Variants in TIMD4 observed in about 807,000 individuals in gnomAD.
TIMD4 encodes the protein T cell immunoglobulin and mucin domain containing 4.
Under a neutral mutation model 41.2 loss-of-function variants are expected in TIMD4, and 31 were observed. That is an observed-to-expected ratio of 0.75 (90% CI 0.57 to 1.01). The LOEUF is 1.01. TIMD4 is among the 50% of genes least tolerant of loss of function. TIMD4 has a pLI of 0.00. For synonymous variants in TIMD4, 204 were observed against 177.1 expected, an observed-to-expected ratio of 1.15 and a Z score of -1.21; for missense variants, 479 against 472.5, an observed-to-expected ratio of 1.01 and a Z score of -0.13.
In TIMD4 at chr5:156,926,275, T is replaced by C. The variant is rs768771467; in HGVS notation, c.882A>G (p.Thr294=). The C allele has an allele frequency of 1.9e-6, 3 of 1,613,532 alleles. No individual in the cohort carries two copies. The highest frequency in any genetic ancestry group is 1.7e-6 in the Non-Finnish European group (2 of 1,179,604). The change falls in exon 6 of 9, where the codon ACA becomes ACG. Residue 294 remains threonine, a synonymous_variant. Coordinates refer to ENST00000274532, the MANE Select transcript of TIMD4 (RefSeq NM_138379.3). ...DTAVPEQNKT[T]KTGQMDGIPM... is the part of the protein sequence containing the mutation. ...ACAGATTTTTTACCTGTCCTGTTTT[T>C]GTTGTTTTGTTCTGCTCAGGAACTG...
At chr5:156,936,810 T>A (rs1759547948) in intron 5 of TIMD4, among the ~76,000 whole-genome samples, 1 of 150,832 alleles carries the variant, frequency 6.6e-6, no homozygotes, top group Non-Finnish European at 1.5e-5. Flanking sequence ...CGGGTGCCTG[T>A]AATCCCAGCT....
chr5:156,934,360 C>G (rs1029644011), intron 5 of TIMD4, among the ~76,000 whole-genome samples: 1 of 152,182 alleles, frequency 6.6e-6, no homozygotes, highest in Non-Finnish European at 1.5e-5. Flanking sequence ...ACGGTATCCT[C>G]CCACCTCACC....
At chr5:156,921,195 C>T (rs539799593) in intron 7 of TIMD4, among the ~76,000 whole-genome samples, 1 of 152,206 alleles carries the variant, frequency 6.6e-6, no homozygotes, top group Non-Finnish European at 1.5e-5. Flanking sequence ...AAACTACAGA[C>T]CTTGTCCCCT....
intron 7 of TIMD4, 119 bp from the exon 8 acceptor site, chr5:156,920,622 G>A (rs1399804677): frequency 9.6e-7 from 1 of 1,041,026 alleles, no homozygotes; most frequent in African/African-American, 1.6e-5. Flanking sequence ...GTGAGAACCA[G>A]TGGCTGGCTT....
At chr5:156,950,760 G>T (rs1054338714) in intron 3 of TIMD4, among the ~76,000 whole-genome samples, 2 of 152,134 alleles carry the variant, frequency 1.3e-5, no homozygotes, top group Admixed American at 1.3e-4. Flanking sequence ...TATTTTAAAG[G>T]CGTCTGGAGG....
rs144173652 is a variant in TIMD4 at position 156,919,474 on chromosome 5, C to T, written c.1120G>A (p.Gly374Ser). ...CTGCGTTGTTAGAGGGTAAAAAGGC[C>T]GTCTTCGTCTTCCCTTCCATGCTGC... Reference protein sequence around the residue: ...DVQHGREDEDGLFTL With the variant: ...DVQHGREDEDSLFTL The change falls in exon 9 of 9, where the codon GGC (glycine) becomes AGC (serine). Residue 374 changes from glycine (G) to serine (S), a missense_variant. By Grantham distance (56) the Gly-to-Ser change is moderately conservative. Coordinates refer to ENST00000274532, the MANE Select transcript of TIMD4 (RefSeq NM_138379.3). 1.3e-4 allele frequency: 216 copies of T among 1,613,954 alleles called. No homozygotes were observed. In the African/African-American group the frequency reaches 2.2e-3, roughly 16 times the overall value.
At chr5:156,941,178 G>C (rs374564588) in intron 5 of TIMD4, among the ~76,000 whole-genome samples, 1 of 151,924 alleles carries the variant, frequency 6.6e-6, no homozygotes, top group Admixed American at 6.6e-5. Flanking sequence ...CAAACACTGC[G>C]GAAGGCCGCA....
rs1439336226 is a variant in TIMD4 at position 156,949,631 on chromosome 5, G to A, written c.760+20C>T. The stretch of plus-strand genomic sequence containing the variant: ...AGTACAAAGGGTGAGGGAGGACAGA[G>A]AGAGTGAGTGTCTGCACACCTTTGG... On this transcript the variant is annotated intron_variant, in intron 4 of 8. Coordinates refer to ENST00000274532, the MANE Select transcript of TIMD4 (RefSeq NM_138379.3). 1 of 1,589,722 alleles carries A rather than the reference G, an allele frequency of 6.3e-7. No homozygotes were observed. The highest frequency in any genetic ancestry group is 8.6e-7 in the Non-Finnish European group (1 of 1,158,188).
At chr5:156,960,744 G>T (rs1378723258) in intron 1 of TIMD4, among the ~76,000 whole-genome samples, 3 of 152,156 alleles carry the variant, frequency 2.0e-5, no homozygotes, top group African/African-American at 4.8e-5. Flanking sequence ...TGTATCAAGG[G>T]TGGAACTAGG....
At chr5:156,938,300 T>C (rs1759576538) in intron 5 of TIMD4, among the ~76,000 whole-genome samples, 1 of 152,182 alleles carries the variant, frequency 6.6e-6, no homozygotes, top group South Asian at 2.1e-4. Flanking sequence ...ACTGCCTTCT[T>C]GGGACCAGGG....
intron 1 of TIMD4, among the ~76,000 whole-genome samples, chr5:156,962,469 G>A (rs547697227): frequency 1.3e-5 from 2 of 152,222 alleles, no homozygotes; most frequent in South Asian, 4.1e-4. Flanking sequence ...TGTCCTAGAA[G>A]CACAGATTGT....
chr5:156,951,611 C>T lies in TIMD4; in HGVS notation c.580G>A (p.Ala194Thr), dbSNP rs1561553197. Residue 194 changes from alanine to threonine, a missense_variant, in exon 3 of 9, where the codon GCA (alanine) becomes ACA (threonine). Transcript: ENST00000274532. ...GGGGTTAGTGAAAGGCACGTGTTTG[C>T]TGTTGTGAAGACGGCAATGGTTGTC... ...QMTTIAVFTT[A>T]NTCLSLTPST... The T allele has an allele frequency of 1.2e-6, 2 of 1,614,090 alleles. No homozygotes were observed. The highest frequency in any genetic ancestry group is 1.1e-5 in the South Asian group (1 of 91,080).
At position 156,951,498 on chromosome 5, in the gene TIMD4, A is replaced by G; in HGVS notation, c.679+14T>C. 1 of 1,613,834 alleles carries G rather than the reference A, an allele frequency of 6.2e-7. No homozygotes were observed. Among genetic ancestry groups the G allele is most frequent in the Non-Finnish European group, 8.5e-7 (1 of 1,179,852 alleles). ...ACAGCACTGTTCTAAGAAACCCAAGATACATCTGCGTACCTGCAGTGAGGA... is the reference window on the plus strand; with the variant it reads ...ACAGCACTGTTCTAAGAAACCCAAGGTACATCTGCGTACCTGCAGTGAGGA... On this transcript the variant is annotated intron_variant, in intron 3 of 8. Coordinates refer to ENST00000274532, the MANE Select transcript of TIMD4 (RefSeq NM_138379.3).
Position 156,925,250 on chromosome 5 carries a change from C to T in TIMD4, c.894+1013G>A, listed in dbSNP as rs553344834. On this transcript the variant is annotated intron_variant, in intron 6 of 8. Coordinates refer to ENST00000274532, the MANE Select transcript of TIMD4 (RefSeq NM_138379.3). ...GCTTGAACCCAGGAGGCAGAGGTTG[C>T]GGTGAGTCAAGATTGCACCACTGCA... is the stretch of plus-strand genomic sequence containing the variant. Among the ~76,000 whole-genome samples the T allele has an allele frequency of 2.8e-4, 42 of 152,316 alleles. No homozygotes were observed. In the South Asian group the frequency reaches 6.8e-3, roughly 25 times the overall value.
intron 2 of TIMD4, 63 bp downstream of exon 2, chr5:156,954,352 T>C: frequency 1.4e-6 from 2 of 1,474,462 alleles, no homozygotes; most frequent in Non-Finnish European, 1.9e-6. Flanking sequence ...CATCCACTGA[T>C]CCCATTGTCC....
chr5:156,933,875 C>T (rs551965995), intron 5 of TIMD4, among the ~76,000 whole-genome samples: 9 of 152,158 alleles, frequency 5.9e-5, no homozygotes, highest in Admixed American at 2.6e-4. Context: ...TGGCCCTTTA[C>T]GGAAAAAGTT....
chr5:156,946,630 C>A (rs1759748569), intron 5 of TIMD4, among the ~76,000 whole-genome samples: 2 of 151,886 alleles, frequency 1.3e-5, no homozygotes, highest in Admixed American at 1.3e-4. Flanking sequence ...GCGCCCGCCA[C>A]CACGTCCACC....
intron 1 of TIMD4, among the ~76,000 whole-genome samples, chr5:156,961,622 G>A (rs1164564901): frequency 1.4e-5 from 2 of 146,076 alleles, no homozygotes; most frequent in Non-Finnish European, 2.9e-5. Context: ...GACCAATATG[G>A]TGAAACCCCG....
At chr5:156,940,602 G>GCCA (rs1322190034) in intron 5 of TIMD4, among the ~76,000 whole-genome samples, 5 of 142,264 alleles carry the variant, frequency 3.5e-5, no homozygotes, top group African/African-American at 1.5e-4. Flanking sequence ...CCTCTGCCCG[G>GCCA]CCGCCCCGTC....
Sources: allele counts gnomAD v4.1 joint callset (sites outside exome capture counted in the v4.1 genomes callset), GRCh38; gene constraint gnomAD v4.1.1; transcripts MANE v1.5; gene names NCBI Gene and HGNC (gene_info 2026-07-23, HGNC 2026-07-21).